The following ABCC1 variants were observed in gnomAD, a reference collection of about 807,000 sequenced individuals.
ABCC1 encodes ATP binding cassette subfamily C member 1 (ABCC1 blood group), also known as multidrug resistance-associated protein 1.
Under a neutral mutation model 172.9 loss-of-function variants are expected in ABCC1, and 83 were observed. The ratio of observed to expected loss-of-function variants is 0.48; its 90% CI spans 0.40 to 0.58. The LOEUF (loss-of-function observed/expected upper bound fraction) is 0.58. ABCC1 is among the 20% of genes least tolerant of loss of function. ABCC1 has a pLI of 0.00. For missense variants in ABCC1, 1,817 were observed against 2,002.7 expected (o/e 0.91, Z 1.77); for synonymous variants, 937 against 825.2 (o/e 1.14, Z -2.32).
At chr16:16,111,191 G>T (rs1228361459) in intron 21 of ABCC1, among the ~76,000 whole-genome samples, 184 bp from the exon 22 acceptor site, 1 of 152,178 alleles carries the variant, frequency 6.6e-6, no homozygotes, top group African/African-American at 2.4e-5. Flanking sequence ...GAGCCACGGC[G>T]CCTGGCCCTC....
rs1457236133 is a variant in ABCC1, at chr16:16,138,409, G to A, written c.4338G>A (p.Arg1446=). ...QLVCLARALL[R]KTKILVLDEA... is the part of the protein sequence containing the mutation. ...TGTGCCTAGCCCGGGCCCTGCTGAG[G>A]AAGACGAAGATCCTTGTGTTGGATG... is the stretch of plus-strand genomic sequence containing the variant. The change falls in exon 30 of 31, where the codon AGG becomes AGA. Residue 1446 remains arginine (R), a synonymous_variant. Coordinates refer to ENST00000399410, the MANE Select transcript of ABCC1 (RefSeq NM_004996.4). 1.9e-6 allele frequency: 3 copies of A among 1,608,032 alleles called. No individual in the cohort carries two copies. The South Asian group carries it at 3.3e-5, about 18-fold the overall frequency.
chr16:16,001,614 TC>T (rs2047314415), intron 1 of ABCC1, among the ~76,000 whole-genome samples: 1 of 152,156 alleles, frequency 6.6e-6, no homozygotes, highest in Non-Finnish European at 1.5e-5. Context: ...CTATGAATCT[TC>T]CTCTGAGCAG....
At chr16:16,111,748 G>C (rs2052398725) in intron 22 of ABCC1, among the ~76,000 whole-genome samples, 166 bp downstream of exon 22, 1 of 152,200 alleles carries the variant, frequency 6.6e-6, no homozygotes, top group Non-Finnish European at 1.5e-5. Flanking sequence ...TATTTGTAGA[G>C]TGGGTGTTTG....
At chr16:16,124,397 GTGT>G (rs2045335809) in intron 24 of ABCC1, among the ~76,000 whole-genome samples, 16 of 136,496 alleles carry the variant, frequency 1.2e-4, no homozygotes, top group South Asian at 2.5e-4. Context: ...GTGTGTGTGT[GTGT>G]GTGTGTGTGT....
intron 10 of ABCC1, among the ~76,000 whole-genome samples, chr16:16,052,173 G>A (rs779468974): frequency 1.3e-5 from 2 of 152,038 alleles, no homozygotes; most frequent in Non-Finnish European, 2.9e-5. Flanking sequence ...AGAGCAGTTT[G>A]AGTAACATAG....
chr16:16,119,894 C>T (rs2045075696), intron 23 of ABCC1, among the ~76,000 whole-genome samples: 1 of 152,130 alleles, frequency 6.6e-6, no homozygotes, highest in Non-Finnish European at 1.5e-5. Context: ...TCACCTGGGC[C>T]TTCAGCCATG....
intron 19 of ABCC1, among the ~76,000 whole-genome samples, chr16:16,096,801 C>CTT (rs1567399358): frequency 6.6e-6 from 1 of 152,084 alleles, no homozygotes; most frequent in African/African-American, 2.4e-5. Context: ...CAGCACTTAA[C>CTT]GTACGTGGGT....
intron 1 of ABCC1, among the ~76,000 whole-genome samples, chr16:15,999,610 C>T (rs1055740450): frequency 3.4e-5 from 5 of 148,792 alleles, no homozygotes; most frequent in East Asian, 2.0e-4. Flanking sequence ...AGTGAAACTC[C>T]GTCTCAAAAG....
intron 12 of ABCC1, among the ~76,000 whole-genome samples, chr16:16,056,917 C>G (rs773559435): frequency 2.4e-4 from 37 of 152,238 alleles, no homozygotes; most frequent in East Asian, 1.4e-3. Flanking sequence ...TCGAACGGCA[C>G]GCTTGGTGCC....
In ABCC1 at chr16:16,087,006, G is replaced by A; in HGVS notation, c.2460+15G>A. On this transcript the variant is annotated intron_variant, in intron 18 of 30. Coordinates refer to ENST00000399410, the MANE Select transcript of ABCC1 (RefSeq NM_004996.4). ...TGAAGAACAAGGTGCCTGCTGGCGG[G>A]GTGGGGCTTGGTGTTGGGCCGTCTC... is the stretch of plus-strand genomic sequence containing the variant. 2 of 1,613,836 alleles carry A rather than the reference G, an allele frequency of 1.2e-6. No homozygotes were observed. Among genetic ancestry groups the A allele is most frequent in the South Asian group, 1.1e-5 (1 of 91,072 alleles).
chr16:15,994,256 C>T (rs2046974482), intron 1 of ABCC1, among the ~76,000 whole-genome samples: 1 of 152,046 alleles, frequency 6.6e-6, no homozygotes, highest in Non-Finnish European at 1.5e-5. Flanking sequence ...AACCAAAAGG[C>T]CTTAGAGTTC....
intron 30 of ABCC1, among the ~76,000 whole-genome samples, chr16:16,139,252 A>G (rs2046034018): frequency 6.6e-6 from 1 of 152,184 alleles, no homozygotes. Flanking sequence ...GGGCAGGGCC[A>G]CTGTTTCCAT....
At position 16,023,340 on chromosome 16, in the gene ABCC1, C is replaced by G. The variant is rs547966972; in HGVS notation, c.615+6719C>G. On this transcript the variant is annotated intron_variant, in intron 5 of 30. Transcript: ENST00000399410. ...GAGTTTTTTGCTTAAAATTTACATA[C>G]AGTGAAATTGCTGATCTCAAGTTAG... is the stretch of plus-strand genomic sequence containing the variant. Among the ~76,000 whole-genome samples the G allele has an allele frequency of 2.0e-5, 3 of 152,260 alleles. No homozygotes were observed. In the East Asian group the frequency reaches 5.8e-4, roughly 29 times the overall value.
intron 1 of ABCC1, among the ~76,000 whole-genome samples, chr16:16,001,251 G>A (rs1442940231): frequency 2.0e-5 from 3 of 151,944 alleles, no homozygotes; most frequent in South Asian, 4.2e-4. Context: ...TCGCTTTGTC[G>A]CCCAGGCTGG....
intron 1 of ABCC1, among the ~76,000 whole-genome samples, chr16:15,976,142 C>A (rs1014358335): frequency 1.3e-5 from 2 of 152,030 alleles, no homozygotes; most frequent in Non-Finnish European, 2.9e-5. Context: ...TGGCACATGC[C>A]TGTGATCCCA....
Position 16,133,234 on chromosome 16 carries a change from C to T in ABCC1, c.3967-1116C>T, listed in dbSNP as rs192376254. Reference sequence around the variant, plus strand: ...CCTGGCCATTTGCTGGGGGACAAGGCTGCTTTCACCTCTGAACATATGGAC... The same window carrying T: ...CCTGGCCATTTGCTGGGGGACAAGGTTGCTTTCACCTCTGAACATATGGAC... On this transcript the variant is annotated intron_variant, in intron 27 of 30. Transcript: ENST00000399410. 1.3e-3 allele frequency among the ~76,000 whole-genome samples: 196 copies of T among 152,300 alleles called. 1 individual carries two copies. The highest frequency in any genetic ancestry group is 4.3e-3 in the African/African-American group (177 of 41,564).
chr16:16,037,498 C>T (rs2048802394), intron 7 of ABCC1, among the ~76,000 whole-genome samples: 1 of 152,196 alleles, frequency 6.6e-6, no homozygotes, highest in Admixed American at 6.5e-5. Context: ...AGAAAAGCAG[C>T]TGCCAATTAA....
chr16:16,093,715 C>T (rs569900054), intron 19 of ABCC1, among the ~76,000 whole-genome samples: 2 of 152,282 alleles, frequency 1.3e-5, no homozygotes, highest in South Asian at 4.1e-4. Flanking sequence ...CAACTCGAAG[C>T]GCCAATGACC....
At chr16:16,073,723 C>T (rs1056054442) in intron 14 of ABCC1, among the ~76,000 whole-genome samples, 2 of 152,170 alleles carry the variant, frequency 1.3e-5, no homozygotes, top group Non-Finnish European at 2.9e-5. Context: ...TGCCACTGTA[C>T]TCCAGCCTGG....
Sources: gnomAD v4.1 joint callset for allele counts (sites outside exome capture counted in the v4.1 genomes callset) on GRCh38, gnomAD v4.1.1 for gene constraint, MANE v1.5 for transcripts, NCBI Gene and HGNC (gene_info 2026-07-23, HGNC 2026-07-21) for gene names.